Variants in HMOX2 observed in about 807,000 individuals in gnomAD.
HMOX2 encodes heme oxygenase (decycling) 2.
HMOX2 carries 30 observed loss-of-function variants against 33.7 expected under a neutral mutation model. The observed-to-expected ratio is 0.89, with a 90% CI of 0.67 to 1.21. The LOEUF (loss-of-function observed/expected upper bound fraction) is 1.21. HMOX2 is among the 50% of genes most tolerant of loss of function. HMOX2 has a pLI of 0.00. For synonymous variants in HMOX2, 155 were observed against 155.0 expected, an observed-to-expected ratio of 1.00 and a Z score of 0.00; for missense variants, 403 against 399.1, an observed-to-expected ratio of 1.01 and a Z score of -0.08.
chr16:4,493,757 G>T (rs1330196840), intron 1 of HMOX2, among the ~76,000 whole-genome samples: 1 of 152,136 alleles, frequency 6.6e-6, no homozygotes, highest in Non-Finnish European at 1.5e-5. Context: ...TGTGTCTTTT[G>T]AACACATTAG....
chr16:4,505,638 A>G (rs1451895858), intron 2 of HMOX2, 28 bp downstream of exon 2: 3 of 1,484,484 alleles, frequency 2.0e-6, no homozygotes, highest in Non-Finnish European at 2.8e-6. Context: ...GCTGCACTGA[A>G]TCAGGTGGGC....
intron 2 of HMOX2, 31 bp from the exon 3 acceptor site, chr16:4,506,864 T>G: frequency 6.7e-7 from 1 of 1,492,542 alleles, no homozygotes; most frequent in Non-Finnish European, 9.4e-7. Context: ...AAGGGCTAAT[T>G]GACACACAAA....
rs1178417175 is a variant in HMOX2 at position 4,508,034 on chromosome 16, A to G, written c.526A>G (p.Lys176Glu). ...VLKKVAQRAL[K>E]LPSTGEGTQF... ...GAAGAAGGTGGCCCAGCGAGCACTG[A>G]AACTCCCCAGCACAGGGGAAGGGAC... Residue 176 changes from lysine (K) to glutamate (E), a missense_variant, in exon 4 of 6, where the codon AAA (lysine) becomes GAA (glutamate). Coordinates refer to ENST00000570646, the MANE Select transcript of HMOX2 (RefSeq NM_002134.4). The G allele has an allele frequency of 6.2e-7, 1 of 1,614,046 alleles. No individual in the cohort carries two copies. Among genetic ancestry groups the G allele is most frequent in the Non-Finnish European group, 8.5e-7 (1 of 1,180,002 alleles).
intron 1 of HMOX2, among the ~76,000 whole-genome samples, chr16:4,500,036 C>T (rs973755608): frequency 3.9e-5 from 6 of 152,194 alleles, no homozygotes; most frequent in African/African-American, 1.4e-4. Flanking sequence ...AGGTTGGATG[C>T]TCCCCAGGGT....
intron 1 of HMOX2, among the ~76,000 whole-genome samples, chr16:4,487,856 C>G (rs867144265): frequency 6.8e-6 from 1 of 148,024 alleles, no homozygotes; most frequent in Non-Finnish European, 1.5e-5. Context: ...GAGGCAGAGG[C>G]AGGAGAACTG....
rs555578991 is a variant in HMOX2 at position 4,484,703 on chromosome 16, C to T, written c.-42+8216C>T. On this transcript the variant is annotated intron_variant, in intron 1 of 5. Coordinates refer to ENST00000570646, the MANE Select transcript of HMOX2 (RefSeq NM_002134.4). ...CTCGAACTCCTGACTTCAGGTGAGC[C>T]GCCTGCCGCGGGCTCCCAAAGTGCT... Among the ~76,000 whole-genome samples, 9 of 151,988 alleles carry T rather than the reference C, an allele frequency of 5.9e-5. 1 individual carries two copies. The highest frequency in any genetic ancestry group is 2.2e-4 in the African/African-American group (9 of 41,478).
intron 1 of HMOX2, among the ~76,000 whole-genome samples, chr16:4,494,875 T>TA (rs573958293): frequency 5.0e-4 from 72 of 144,864 alleles, no homozygotes; most frequent in African/African-American, 1.6e-3. Flanking sequence ...TGAGACTGTC[T>TA]AAAAAAAAAA....
In HMOX2 at chr16:4,509,518, A is replaced by G. The variant is rs2141617504; in HGVS notation, c.803A>G (p.Tyr268Cys). The change falls in exon 5 of 6, where the codon TAC becomes TGC. Residue 268 changes from tyrosine (Y) to cysteine (C), a missense_variant. By Grantham distance (194) the Tyr-to-Cys change is radical. Coordinates refer to ENST00000570646, the MANE Select transcript of HMOX2 (RefSeq NM_002134.4). ...GKGDMRKCPF[Y>C]AAEQDKGALE... ...GGAGACATGCGTAAATGCCCTTTCTACGCTGCTGAACAAGACAAAGGTAGG... is the reference window on the plus strand; with the variant it reads ...GGAGACATGCGTAAATGCCCTTTCTGCGCTGCTGAACAAGACAAAGGTAGG... 2 of 1,614,174 alleles carry G rather than the reference A, an allele frequency of 1.2e-6. No homozygotes were observed. Among genetic ancestry groups the G allele is most frequent in the East Asian group, 2.2e-5 (1 of 44,870 alleles).
In HMOX2 at chr16:4,507,716, GCCA is replaced by G. The variant is rs776793552; in HGVS notation, c.213_215del (p.Thr72del). The G allele has an allele frequency of 1.2e-6, 2 of 1,613,114 alleles. No individual in the cohort carries two copies. The highest frequency in any genetic ancestry group is 2.2e-5 in the South Asian group (2 of 91,048). Reference sequence around the variant, plus strand: ...CCTCCTCCTGTCACCTCCACAGCTGGCCACCACGGCACTTTACTTCACATACTC... The same window carrying G: ...CCTCCTCCTGTCACCTCCACAGCTGGCCACGGCACTTTACTTCACATACTC... On this transcript the variant is annotated inframe_deletion, in exon 4 of 6. Transcript: ENST00000570646.
chr16:4,481,483 T>G (rs2058031407), intron 1 of HMOX2, among the ~76,000 whole-genome samples: 1 of 152,166 alleles, frequency 6.6e-6, no homozygotes, highest in African/African-American at 2.4e-5. Context: ...CACCTGTCAT[T>G]GAGCATACAG....
chr16:4,509,904 C>CCT lies in HMOX2; in HGVS notation c.*151_*152dup, dbSNP rs2058796085. The CCT allele has an allele frequency of 1.2e-6, 1 of 847,132 alleles. No individual in the cohort carries two copies. Among genetic ancestry groups the CCT allele is most frequent in the African/African-American group, 1.7e-5 (1 of 58,638 alleles). The allele number at this position is 847,132 out of a possible 1,614,324, so 52.5% of individuals were successfully genotyped here. A position where few individuals can be genotyped will look rare whatever the true frequency, so the allele number is the denominator to read the frequency against. Reference sequence around the variant, plus strand: ...AACCAATAAAAGCCAGATGCTAGAGCCTCTGCCTGACAGCATCCTCTCTAT... The same window carrying CCT: ...AACCAATAAAAGCCAGATGCTAGAGCCTCTCTGCCTGACAGCATCCTCTCTAT... On this transcript the variant is annotated 3_prime_UTR_variant, in exon 6 of 6. Transcript: ENST00000570646.
chr16:4,502,028 T>C (rs1250903202), intron 1 of HMOX2, among the ~76,000 whole-genome samples: 1 of 152,164 alleles, frequency 6.6e-6, no homozygotes, highest in Non-Finnish European at 1.5e-5. Context: ...CTATTTTGAG[T>C]GTAGAAAATT....
intron 4 of HMOX2, 93 bp from the exon 5 acceptor site, chr16:4,509,319 G>C (rs911078055): frequency 2.0e-6 from 3 of 1,488,068 alleles, no homozygotes; most frequent in Admixed American, 2.0e-5. Flanking sequence ...ACTCTAGCCT[G>C]GGCAACAGAG....
At chr16:4,494,956 G>C (rs745911102) in intron 1 of HMOX2, among the ~76,000 whole-genome samples, 2 of 152,110 alleles carry the variant, frequency 1.3e-5, no homozygotes, top group Non-Finnish European at 2.9e-5. Flanking sequence ...GAGGATTGTT[G>C]AGGCTAGGAG....
intron 1 of HMOX2, among the ~76,000 whole-genome samples, chr16:4,500,237 G>A (rs1270901933): frequency 1.3e-5 from 2 of 152,194 alleles, no homozygotes; most frequent in African/African-American, 4.8e-5. Flanking sequence ...AGCCTTCTAG[G>A]AAGCAGGCAG....
chr16:4,507,898 T>A lies in HMOX2; in HGVS notation c.390T>A (p.Ala130=). The A allele has an allele frequency of 6.2e-7, 1 of 1,614,024 alleles. No homozygotes were observed. The highest frequency in any genetic ancestry group is 8.5e-7 in the Non-Finnish European group (1 of 1,180,006). Reference sequence around the variant, plus strand: ...AGGAGCAGGTGCAGTGCCCCAAGGCTGCCCAGAAGTACGTGGAGCGGATCC... The same window carrying A: ...AGGAGCAGGTGCAGTGCCCCAAGGCAGCCCAGAAGTACGTGGAGCGGATCC... ...NWEEQVQCPK[A]AQKYVERIHY... Residue 130 remains alanine (A), a synonymous_variant, in exon 4 of 6, where the codon GCT becomes GCA. Transcript: ENST00000570646.
intron 1 of HMOX2, among the ~76,000 whole-genome samples, chr16:4,501,838 G>A (rs1015428507): frequency 2.6e-5 from 4 of 152,184 alleles, no homozygotes; most frequent in Non-Finnish European, 5.9e-5. Flanking sequence ...CAGTGGCTAG[G>A]CCACAGGGTC....
rs1435835329 is a variant in HMOX2, at chr16:4,505,742, C to T, written c.86+132C>T. On this transcript the variant is annotated intron_variant, in intron 2 of 5. Coordinates refer to ENST00000570646, the MANE Select transcript of HMOX2 (RefSeq NM_002134.4). ...TGAGCTCTGGACCCCTGGGTGCCTG[C>T]TTGGCCCTGCAGGGACCGCATACAG... 2.1e-5 allele frequency: 13 copies of T among 624,702 alleles called. No individual in the cohort carries two copies. In the Admixed American group the frequency reaches 3.9e-4, roughly 19 times the overall value. The allele number at this position is 624,702 out of a possible 1,614,324, so 38.7% of individuals were successfully genotyped here. A position where few individuals can be genotyped will look rare whatever the true frequency, so the allele number is the denominator to read the frequency against.
At chr16:4,483,261 G>A (rs1227095629) in intron 1 of HMOX2, among the ~76,000 whole-genome samples, 7 of 147,930 alleles carry the variant, frequency 4.7e-5, no homozygotes, top group African/African-American at 1.2e-4. Context: ...AATTGAATAC[G>A]TTATTGGCCA....
Sources: gnomAD v4.1 joint callset for allele counts (sites outside exome capture counted in the v4.1 genomes callset) on GRCh38, gnomAD v4.1.1 for gene constraint, MANE v1.5 for transcripts, NCBI Gene and HGNC (gene_info 2026-07-23, HGNC 2026-07-21) for gene names.